NDRG3: variants seen among roughly 807,000 people sequenced by gnomAD.
The protein encoded by NDRG3 is NDRG family member 3.
A neutral mutation model predicts 57.2 loss-of-function variants in NDRG3; 23 were observed. The observed-to-expected ratio is 0.40, with a 90% confidence interval of 0.29 to 0.57. The LOEUF (loss-of-function observed/expected upper bound fraction) is 0.57, where lower values mean the gene tolerates loss of function less well. NDRG3 is among the 20% of genes least tolerant of loss of function. NDRG3 has a pLI of 0.42. For synonymous variants in NDRG3, 132 were observed against 162.6 expected (o/e 0.81, Z 1.43); for missense variants, 384 against 457.3 (o/e 0.84, Z 1.46).
Position 36,652,896 on chromosome 20 carries a change from A to C in NDRG3, c.*624T>G, listed in dbSNP as rs912160264. Reference sequence around the variant, plus strand: ...TCATTTGGACAGAAGGAGCCTCTCTATGTAACAGGCACCCTTCTGCTACTG... The same window carrying C: ...TCATTTGGACAGAAGGAGCCTCTCTCTGTAACAGGCACCCTTCTGCTACTG... On this transcript the variant is annotated 3_prime_UTR_variant, in exon 16 of 16. Coordinates refer to ENST00000349004, the MANE Select transcript of NDRG3 (RefSeq NM_032013.4). The C allele has an allele frequency of 1.3e-5, 2 of 152,458 alleles. No homozygotes were observed. The highest frequency in any genetic ancestry group is 1.9e-4 in the East Asian group (1 of 5,192). 9.4% of individuals were successfully genotyped at this position (152,458 alleles called of 1,614,324 possible).
At chr20:36,661,762 G>T (rs1040083607) in intron 12 of NDRG3, among the ~76,000 whole-genome samples, 1 of 152,184 alleles carries the variant, frequency 6.6e-6, no homozygotes, top group Non-Finnish European at 1.5e-5. Flanking sequence ...GTTTTTAAGA[G>T]AGCAGTGGCC....
intron 1 of NDRG3, among the ~76,000 whole-genome samples, chr20:36,722,249 G>A (rs1486668401): frequency 2.0e-5 from 3 of 152,086 alleles, no homozygotes; most frequent in Admixed American, 2.0e-4. Flanking sequence ...AATCTGCAAG[G>A]AACTGAATGC....
chr20:36,690,381 C>T (rs553162480), intron 3 of NDRG3, among the ~76,000 whole-genome samples: 2 of 149,654 alleles, frequency 1.3e-5, no homozygotes, highest in African/African-American at 2.5e-5. Flanking sequence ...AAAGATGCAC[C>T]GAGCAAAGCT....
At chr20:36,693,153 C>CAT (rs1299560614) in intron 3 of NDRG3, among the ~76,000 whole-genome samples, 1 of 83,172 alleles carries the variant, frequency 1.2e-5, no homozygotes, top group African/African-American at 4.5e-5. Flanking sequence ...CACACACACA[C>CAT]ATATACACAT....
At chr20:36,715,598 G>T (rs1015932480) in intron 2 of NDRG3, among the ~76,000 whole-genome samples, 1 of 150,664 alleles carries the variant, frequency 6.6e-6, no homozygotes, top group Non-Finnish European at 1.5e-5. Context: ...CAGGAGGATT[G>T]CTTGAGCTCA....
chr20:36,715,004 GTGTATATATATATATATATATA>G (rs1338991801), intron 2 of NDRG3, among the ~76,000 whole-genome samples: 370 of 32,496 alleles, frequency 0.011, 18 homozygotes, highest in African/African-American at 0.031. Flanking sequence ...GTGTGTGTGT[GTGTATATATATATATATATATA>G]TATATATATA....
chr20:36,685,706 C>T (rs1392493006), intron 5 of NDRG3, among the ~76,000 whole-genome samples: 1 of 152,076 alleles, frequency 6.6e-6, no homozygotes, highest in Non-Finnish European at 1.5e-5. Context: ...ATCAGAATTC[C>T]TAGAAAAGTA....
intron 3 of NDRG3, among the ~76,000 whole-genome samples, chr20:36,692,994 G>C (rs6028834): frequency 3.5e-5 from 5 of 141,888 alleles, no homozygotes; most frequent in African/African-American, 1.1e-4. Flanking sequence ...AGAATGGCTT[G>C]AGCCCAGGAG....
intron 7 of NDRG3, 105 bp downstream of exon 7, chr20:36,682,413 A>G: frequency 1.1e-6 from 1 of 874,746 alleles, no homozygotes; most frequent in South Asian, 1.6e-5. Flanking sequence ...TTACAGAAAA[A>G]CTGACATAAG....
At chr20:36,659,139 CAG>C (rs1978934758) in intron 13 of NDRG3, among the ~76,000 whole-genome samples, 1 of 152,010 alleles carries the variant, frequency 6.6e-6, no homozygotes, top group Non-Finnish European at 1.5e-5. Flanking sequence ...TTTGTAGAGA[CAG>C]AGTCTCACTA....
chr20:36,707,057 C>T (rs760912055), intron 2 of NDRG3, 50 bp from the exon 3 acceptor site: 2 of 1,553,424 alleles, frequency 1.3e-6, no homozygotes, highest in Non-Finnish European at 1.8e-6. Flanking sequence ...ATGGTTTCCC[C>T]ACATGTGCAG....
intron 1 of NDRG3, among the ~76,000 whole-genome samples, chr20:36,745,498 C>T (rs1299215449): frequency 6.6e-6 from 1 of 152,196 alleles, no homozygotes; most frequent in Non-Finnish European, 1.5e-5. Flanking sequence ...TGGCACTTCA[C>T]CTTTCCGTGC....
At chr20:36,715,822 G>C (rs922588957) in intron 2 of NDRG3, among the ~76,000 whole-genome samples, 2 of 148,844 alleles carry the variant, frequency 1.3e-5, no homozygotes, top group Non-Finnish European at 3.0e-5. Context: ...CAGAGACCCT[G>C]TCTCAAATAA....
At chr20:36,705,189 G>A (rs569406360) in intron 3 of NDRG3, among the ~76,000 whole-genome samples, 2 of 151,922 alleles carry the variant, frequency 1.3e-5, no homozygotes, top group East Asian at 3.9e-4. Context: ...AGGTGTGGTG[G>A]CGGGCTCCTG....
intron 10 of NDRG3, 148 bp from the exon 11 acceptor site, chr20:36,665,449 T>C: frequency 1.3e-6 from 1 of 741,118 alleles, no homozygotes. Context: ...TATGACTTGG[T>C]TCTTGAGTCG....
At chr20:36,714,666 T>C (rs1371832259) in intron 2 of NDRG3, among the ~76,000 whole-genome samples, 1 of 150,950 alleles carries the variant, frequency 6.6e-6, no homozygotes, top group Non-Finnish European at 1.5e-5. Flanking sequence ...CAGGCTGGAG[T>C]GCAGTGGTGC....
At chr20:36,741,152 CT>C (rs1446708460) in intron 1 of NDRG3, among the ~76,000 whole-genome samples, 3 of 152,138 alleles carry the variant, frequency 2.0e-5, no homozygotes, top group Non-Finnish European at 2.9e-5. Context: ...CCCATTTGGC[CT>C]TTTTTTCTTT....
chr20:36,682,938 C>T (rs1439678754), intron 6 of NDRG3, among the ~76,000 whole-genome samples: 3 of 149,826 alleles, frequency 2.0e-5, no homozygotes, highest in Non-Finnish European at 3.0e-5. Flanking sequence ...TGGTGGCGTG[C>T]GCCTGTTAAA....
intron 1 of NDRG3, among the ~76,000 whole-genome samples, chr20:36,735,209 T>C (rs1189074564): frequency 2.0e-5 from 3 of 152,214 alleles, no homozygotes; most frequent in Non-Finnish European, 4.4e-5. Context: ...CAGTGGCACA[T>C]GTTGAGCATC....
Sources: gnomAD v4.1 joint callset for allele counts (sites outside exome capture counted in the v4.1 genomes callset) on GRCh38, gnomAD v4.1.1 for gene constraint, MANE v1.5 for transcripts, NCBI Gene and HGNC (gene_info 2026-07-23, HGNC 2026-07-21) for gene names.